Variants in RNF216 observed in about 807,000 individuals in gnomAD.
RNF216 encodes the protein E3 ubiquitin-protein ligase RNF216.
In RNF216, 72 loss-of-function variants were observed where a neutral mutation model predicts 110.8. That is an observed-to-expected ratio of 0.65 (90% CI 0.54 to 0.79). The LOEUF is 0.79. Ranked by LOEUF, RNF216 falls within the 30% of genes least tolerant of loss-of-function variation. The pLI, the probability that RNF216 is intolerant of heterozygous loss-of-function variation, is 0.00. For missense variants in RNF216, 1,342 were observed against 1,141.2 expected, an observed-to-expected ratio of 1.18 and a Z score of -2.54; for synonymous variants, 495 against 407.5, an observed-to-expected ratio of 1.21 and a Z score of -2.59.
At chr7:5,641,476 A>C (rs2128567599) in intron 14 of RNF216, 100 bp from the exon 15 acceptor site, 1 of 993,896 alleles carries the variant, frequency 1.0e-6, no homozygotes, top group East Asian at 2.6e-5. Context: ...ATGATCACTT[A>C]TGGCTTTTTT....
At chr7:5,778,544 C>T (rs927356344) in intron 1 of RNF216, among the ~76,000 whole-genome samples, 1 of 152,100 alleles carries the variant, frequency 6.6e-6, no homozygotes, top group African/African-American at 2.4e-5. Flanking sequence ...CACTTGATCC[C>T]AAAGCCCCAG....
chr7:5,648,961 T>A (rs1312244923), intron 14 of RNF216, among the ~76,000 whole-genome samples: 1 of 152,196 alleles, frequency 6.6e-6, no homozygotes, highest in Non-Finnish European at 1.5e-5. Flanking sequence ...ACTTAAAATT[T>A]CAATTTTAGT....
intron 5 of RNF216, among the ~76,000 whole-genome samples, chr7:5,738,750 CCAAA>C (rs975698215): frequency 1.3e-5 from 2 of 149,720 alleles, no homozygotes; most frequent in African/African-American, 2.5e-5. Flanking sequence ...ATGTATTTCT[CCAAA>C]CAGAGTGGTT....
chr7:5,748,645 CACACACACACACAT>C (rs923240410), intron 3 of RNF216, among the ~76,000 whole-genome samples: 4 of 145,284 alleles, frequency 2.8e-5, no homozygotes, highest in African/African-American at 1.0e-4. Context: ...CACACACACA[CACACACACACACAT>C]AATATACTAA....
At chr7:5,623,328 C>T (rs1786508050) in intron 16 of RNF216, 149 bp from the exon 17 acceptor site, 1 of 606,696 alleles carries the variant, frequency 1.6e-6, no homozygotes, top group Non-Finnish European at 2.7e-6. Flanking sequence ...AATGCCACTG[C>T]AAGAAACCAA....
chr7:5,748,743 T>C (rs546669934), intron 3 of RNF216, among the ~76,000 whole-genome samples: 1 of 152,262 alleles, frequency 6.6e-6, no homozygotes, highest in African/African-American at 2.4e-5. Context: ...TAGTACTAAG[T>C]AGTTAAGGCT....
At chr7:5,623,444 G>A (rs1584324485) in intron 16 of RNF216, among the ~76,000 whole-genome samples, 1 of 151,038 alleles carries the variant, frequency 6.6e-6, no homozygotes, top group Admixed American at 6.6e-5. Flanking sequence ...GCCTTGATGG[G>A]CCACCTCAGT....
At chr7:5,709,504 C>G (rs916450055) in intron 13 of RNF216, among the ~76,000 whole-genome samples, 1 of 152,154 alleles carries the variant, frequency 6.6e-6, no homozygotes, top group African/African-American at 2.4e-5. Flanking sequence ...TTGACACTAC[C>G]CCACACCACA....
Position 5,726,701 on chromosome 7 carries a change from T to C in RNF216, c.1390-1263A>G, listed in dbSNP as rs542185120. Among the ~76,000 whole-genome samples, 6 of 151,814 alleles carry C rather than the reference T, an allele frequency of 4.0e-5. No homozygotes were observed. The East Asian group carries it at 9.7e-4, about 25-fold the overall frequency. ...GGCAAAACCCCGTCTCTAGTAAAAA[T>C]ACAAAAAATTAGCTGGACGTGGTAG... On this transcript the variant is annotated intron_variant, in intron 7 of 16. Coordinates refer to ENST00000389902, the MANE Select transcript of RNF216 (RefSeq NM_207111.4).
At chr7:5,717,710 G>A (rs138944484) in intron 9 of RNF216, among the ~76,000 whole-genome samples, 29 of 152,340 alleles carry the variant, frequency 1.9e-4, no homozygotes, top group African/African-American at 7.0e-4. Flanking sequence ...CCTATGAATT[G>A]CTGCAGAGTG....
Position 5,641,153 on chromosome 7 carries a change from C to T in RNF216, c.2382+1G>A. The T allele has an allele frequency of 6.2e-7, 1 of 1,608,464 alleles. No homozygotes were observed. Among genetic ancestry groups the T allele is most frequent in the Non-Finnish European group, 8.5e-7 (1 of 1,175,088 alleles). The stretch of plus-strand genomic sequence containing the variant: ...CAATAGGCAGCCATGTGTCTACTTA[C>T]AGTGGGATCGGTCCAGAGAGAGCAT... On this transcript the variant is annotated splice_donor_variant, in intron 15 of 16. Coordinates refer to ENST00000389902, the MANE Select transcript of RNF216 (RefSeq NM_207111.4). LOFTEE classifies it high-confidence loss of function.
At chr7:5,627,162 T>C (rs1224127609) in intron 15 of RNF216, among the ~76,000 whole-genome samples, 2 of 152,178 alleles carry the variant, frequency 1.3e-5, no homozygotes, top group Non-Finnish European at 2.9e-5. Flanking sequence ...CTGAGGTCCC[T>C]GAGAAAGTAC....
intron 12 of RNF216, among the ~76,000 whole-genome samples, chr7:5,712,138 G>T (rs922564000): frequency 6.6e-6 from 1 of 152,184 alleles, no homozygotes; most frequent in Admixed American, 6.5e-5. Flanking sequence ...CACCATGATT[G>T]TATCTACGGG....
At chr7:5,754,724 A>G (rs548489157) in intron 2 of RNF216, among the ~76,000 whole-genome samples, 13 of 152,264 alleles carry the variant, frequency 8.5e-5, no homozygotes, top group African/African-American at 3.1e-4. Flanking sequence ...ATCTTGGTGT[A>G]CCCAATGAAA....
intron 1 of RNF216, among the ~76,000 whole-genome samples, chr7:5,778,744 A>T (rs1050569415): frequency 7.9e-6 from 1 of 126,650 alleles, no homozygotes; most frequent in South Asian, 2.4e-4. Context: ...TTCTTTTTTT[A>T]AAATTATTAT....
At chr7:5,719,536 G>C (rs1217111980) in intron 9 of RNF216, among the ~76,000 whole-genome samples, 1 of 152,160 alleles carries the variant, frequency 6.6e-6, no homozygotes, top group East Asian at 1.9e-4. Flanking sequence ...TGAAGGGGCA[G>C]CCAATAGTCA....
At chr7:5,678,651 G>A (rs1377617323) in intron 13 of RNF216, among the ~76,000 whole-genome samples, 1 of 152,210 alleles carries the variant, frequency 6.6e-6, no homozygotes, top group Non-Finnish European at 1.5e-5. Context: ...AATATCAACT[G>A]CTGCTCTGCC....
intron 13 of RNF216, among the ~76,000 whole-genome samples, chr7:5,694,430 G>T (rs981195213): frequency 7.0e-6 from 1 of 142,592 alleles, no homozygotes; most frequent in East Asian, 2.0e-4. Flanking sequence ...AATAACATTT[G>T]ACCTTGAAAT....
At chr7:5,779,839 A>T (rs1271479544) in intron 1 of RNF216, 3 of 150,902 alleles carry the variant, frequency 2.0e-5, no homozygotes, top group African/African-American at 7.3e-5. Flanking sequence ...AAAAAAAAAA[A>T]AAAAATGCTC....
Sources: allele counts gnomAD v4.1 joint callset (sites outside exome capture counted in the v4.1 genomes callset), GRCh38; gene constraint gnomAD v4.1.1; transcripts MANE v1.5; gene names NCBI Gene and HGNC (gene_info 2026-07-23, HGNC 2026-07-21).